The following ARID2 variants were observed in gnomAD, a reference collection of about 807,000 sequenced individuals.
ARID2 encodes AT-rich interactive domain-containing protein 2.
In ARID2, 32 loss-of-function variants were observed where a neutral mutation model predicts 184.6. The observed-to-expected ratio is 0.17, with a 90% confidence interval of 0.13 to 0.23. The LOEUF (loss-of-function observed/expected upper bound fraction) is 0.23, where lower values mean the gene tolerates loss of function less well. Among genes scored for constraint, ARID2 ranks in the 10% least tolerant of loss-of-function variants. ARID2 has a pLI of 1.00. For synonymous variants in ARID2, 836 were observed against 772.6 expected (o/e 1.08, Z -1.36); for missense variants, 1,696 against 2,197.6 (o/e 0.77, Z 4.56).
intron 3 of ARID2, among the ~76,000 whole-genome samples, chr12:45,805,364 G>T (rs1283779205): frequency 2.0e-5 from 3 of 152,042 alleles, no homozygotes; most frequent in Non-Finnish European, 4.4e-5. Flanking sequence ...GTAACATACA[G>T]AGTAGAGCTT....
intron 3 of ARID2, among the ~76,000 whole-genome samples, chr12:45,775,284 A>G (rs1941954909): frequency 6.6e-6 from 1 of 152,228 alleles, no homozygotes; most frequent in South Asian, 2.1e-4. Context: ...GAGAAAACCT[A>G]GAACTATTTT....
intron 3 of ARID2, among the ~76,000 whole-genome samples, chr12:45,737,127 C>T (rs894568008): frequency 6.6e-6 from 1 of 152,122 alleles, no homozygotes; most frequent in African/African-American, 2.4e-5. Flanking sequence ...ATTCATTTGA[C>T]TAAATACATT....
intron 3 of ARID2, among the ~76,000 whole-genome samples, chr12:45,772,997 A>G (rs1051313469): frequency 7.2e-5 from 11 of 152,204 alleles, no homozygotes; most frequent in Admixed American, 6.5e-4. Context: ...TCTAGGAAAC[A>G]CCATATGCAA....
chr12:45,736,077 C>T (rs1393070332), intron 3 of ARID2, among the ~76,000 whole-genome samples: 1 of 152,170 alleles, frequency 6.6e-6, no homozygotes, highest in Non-Finnish European at 1.5e-5. Flanking sequence ...TATATTGTGG[C>T]CGGGCGTGGT....
chr12:45,846,930 T>G lies in ARID2; in HGVS notation c.1573T>G (p.Cys525Gly), dbSNP rs760267029. The change falls in exon 12 of 21, where the codon TGT (cysteine) becomes GGT (glycine). Residue 525 changes from cysteine to glycine, a missense_variant. Physicochemically the swap from Cys to Gly is radical, Grantham distance 159. Transcript: ENST00000334344. ...GGAAATAGATAGTGAGAAGTTTGCT[T>G]GTCAGTGGTAAGTGGTTTATTTCTA... ...IVEIDSEKFA[C>G]QWLNAHFEVN... 9.3e-6 allele frequency: 15 copies of G among 1,612,926 alleles called. No individual in the cohort carries two copies. The South Asian group carries it at 1.3e-4, about 14-fold the overall frequency.
At chr12:45,830,011 T>A (rs952766853) in intron 6 of ARID2, among the ~76,000 whole-genome samples, 2 of 149,954 alleles carry the variant, frequency 1.3e-5, no homozygotes, top group African/African-American at 4.8e-5. Flanking sequence ...TCTTCTTTTT[T>A]ATGTTTTTAA....
At chr12:45,806,275 A>T (rs926072653) in intron 3 of ARID2, among the ~76,000 whole-genome samples, 1 of 152,014 alleles carries the variant, frequency 6.6e-6, no homozygotes, top group African/African-American at 2.4e-5. Context: ...TTTGAAGCTT[A>T]AATCTTTGAT....
At chr12:45,743,483 G>C (rs1190656388) in intron 3 of ARID2, among the ~76,000 whole-genome samples, 1 of 152,210 alleles carries the variant, frequency 6.6e-6, no homozygotes, top group Non-Finnish European at 1.5e-5. Flanking sequence ...GCAACGAACT[G>C]CCTCAGCCTC....
At chr12:45,777,595 A>G (rs186090188) in intron 3 of ARID2, among the ~76,000 whole-genome samples, 2 of 152,042 alleles carry the variant, frequency 1.3e-5, no homozygotes, top group Admixed American at 1.3e-4. Flanking sequence ...TTTTATATGC[A>G]GGTTATACTA....
intron 11 of ARID2, chr12:45,840,634 G>C (rs1030324307): frequency 2.0e-5 from 3 of 152,048 alleles, no homozygotes; most frequent in African/African-American, 7.2e-5. Context: ...CCATTCATCA[G>C]ATCTTGTTGA....
intron 11 of ARID2, among the ~76,000 whole-genome samples, chr12:45,843,790 AT>A (rs763078751): frequency 2.6e-5 from 4 of 152,110 alleles, no homozygotes; most frequent in Non-Finnish European, 5.9e-5. Flanking sequence ...ACCTCAGTTG[AT>A]TTTTCGGAAA....
chr12:45,790,103 G>A lies in ARID2; in HGVS notation c.285-21315G>A, dbSNP rs193284639. Among the ~76,000 whole-genome samples the A allele has an allele frequency of 9.9e-5, 15 of 152,108 alleles. No individual in the cohort carries two copies. The East Asian group carries it at 1.4e-3, about 14-fold the overall frequency. On this transcript the variant is annotated intron_variant, in intron 3 of 20. Coordinates refer to ENST00000334344, the MANE Select transcript of ARID2 (RefSeq NM_152641.4). ...ATAACTTAGATGTCCTATAAATAGC[G>A]TATTTTTCCATTTTTAAATTATTCA...
At chr12:45,860,699 G>A in intron 15 of ARID2, 102 bp from the exon 16 acceptor site, 1 of 1,038,116 alleles carries the variant, frequency 9.6e-7, no homozygotes, top group Non-Finnish European at 1.2e-6. Context: ...AAATTTTATG[G>A]TAGAAATGTA....
At position 45,852,063 on chromosome 12, in the gene ARID2, A is replaced by G. The variant is rs940253860; in HGVS notation, c.3940A>G (p.Ser1314Gly). 3.1e-6 allele frequency: 5 copies of G among 1,614,010 alleles called. No individual in the cohort carries two copies. Among genetic ancestry groups the G allele is most frequent in the Middle Eastern group, 1.6e-4 (1 of 6,084 alleles). ...TCCTTCAAACTCAGGGAAAATTCAA[A>G]GTGAGACTAATCAGTGCTCACTAAT... is the stretch of plus-strand genomic sequence containing the variant. ...LPPSNSGKIQ[S>G]ETNQCSLISN... Residue 1314 changes from serine (S) to glycine (G), a missense_variant, in exon 15 of 21, where the codon AGT becomes GGT. Physicochemically the swap from Ser to Gly is moderately conservative, Grantham distance 56 (BLOSUM62 0). Around this residue, in one of 11 missense-constraint regions of ARID2, gnomAD observed 428 missense variants for 409.1 expected, o/e 1.05. Transcript: ENST00000334344.
At position 45,818,844 on chromosome 12, in the gene ARID2, G is replaced by C. The variant is rs2138095377; in HGVS notation, c.637+956G>C. ...TTGGCACATATTTTATATTGAAAATGATTTTGAAATTAAATAAAAGTAAAA... is the reference window on the plus strand; with the variant it reads ...TTGGCACATATTTTATATTGAAAATCATTTTGAAATTAAATAAAAGTAAAA... On this transcript the variant is annotated intron_variant, in intron 5 of 20. Coordinates refer to ENST00000334344, the MANE Select transcript of ARID2 (RefSeq NM_152641.4). 3.3e-5 allele frequency among the ~76,000 whole-genome samples: 5 copies of C among 152,180 alleles called. No homozygotes were observed. The South Asian group carries it at 1.0e-3, about 32-fold the overall frequency.
rs142518665 is a variant in ARID2, at chr12:45,902,629, T to A, written c.5364-2305T>A. Among the ~76,000 whole-genome samples the A allele has an allele frequency of 8.4e-4, 127 of 151,950 alleles. 3 individuals are homozygous for A. The East Asian group carries it at 0.023, about 28-fold the overall frequency. On this transcript the variant is annotated intron_variant, in intron 20 of 20. Transcript: ENST00000334344. ...TCACTGCAACCTCTGCCTCCTGGGTTCAAGCGATTCTCCTGCCTCAGCCTC... is the reference window on the plus strand; with the variant it reads ...TCACTGCAACCTCTGCCTCCTGGGTACAAGCGATTCTCCTGCCTCAGCCTC...
intron 3 of ARID2, among the ~76,000 whole-genome samples, chr12:45,810,858 A>G (rs1336144374): frequency 2.0e-5 from 3 of 152,172 alleles, no homozygotes. Context: ...CCCTATTTTT[A>G]TATTGTTATT....
intron 16 of ARID2, among the ~76,000 whole-genome samples, chr12:45,870,295 C>A (rs1286927686): frequency 6.6e-6 from 1 of 152,108 alleles, no homozygotes; most frequent in Non-Finnish European, 1.5e-5. Flanking sequence ...GCCAAAACCA[C>A]GTTTTTTTAG....
In ARID2 at chr12:45,848,928, G is replaced by A. The variant is rs1331723696; in HGVS notation, c.1673G>A (p.Arg558His). The change falls in exon 13 of 21, where the codon CGT (arginine) becomes CAT (histidine). Residue 558 changes from arginine (R) to histidine (H), a missense_variant. This residue lies in a region of ARID2 where 713 missense variants were observed against 824.4 expected (regional missense o/e 0.86). Transcript: ENST00000334344. ...EYLSTCSKLA[R>H]GGILTSTGFY... ...CTCTCGACTTGCAGTAAATTAGCTC[G>A]TGGTGGAATCCTAACATCAACTGGA... The A allele has an allele frequency of 5.6e-6, 9 of 1,612,422 alleles. No homozygotes were observed. Among genetic ancestry groups the A allele is most frequent in the Admixed American group, 1.7e-5 (1 of 59,942 alleles).
Sources: gnomAD v4.1 joint callset for allele counts (sites outside exome capture counted in the v4.1 genomes callset) on GRCh38, gnomAD v4.1.1 for gene constraint, gnomAD v4.1.1 regional missense constraint, MANE v1.5 for transcripts, NCBI Gene and HGNC (gene_info 2026-07-23, HGNC 2026-07-21) for gene names.